PCDHA3: variants seen among roughly 807,000 people sequenced by gnomAD.
PCDHA3 encodes the protein protocadherin alpha 3, also known as protocadherin alpha-3.
In PCDHA3, 41 loss-of-function variants were observed where a neutral mutation model predicts 62.2. The ratio of observed to expected loss-of-function variants is 0.66; its 90% CI spans 0.51 to 0.86. PCDHA3 has a LOEUF of 0.86. Among genes scored for constraint, PCDHA3 ranks in the 40% least tolerant of loss-of-function variants. The pLI is 0.00. For synonymous variants in PCDHA3, 640 were observed against 555.4 expected, an observed-to-expected ratio of 1.15 and a Z score of -2.14; for missense variants, 1,304 against 1,241.2, an observed-to-expected ratio of 1.05 and a Z score of -0.76.
At chr5:140,986,081 A>AT (rs2097186605) in intron 3 of PCDHA3, among the ~76,000 whole-genome samples, 1 of 152,010 alleles carries the variant, frequency 6.6e-6, no homozygotes, top group South Asian at 2.1e-4. Context: ...CTGTTCATTT[A>AT]TTTTCACAGT....
rs2150150437 is a variant in PCDHA3, at chr5:140,828,053, G to A, written c.2394+24462G>A. ...ACATACAGTATTTTATCTTTATGCG[G>A]AAGATCTTCTAATGGAAATAAAACC... On this transcript the variant is annotated intron_variant, in intron 1 of 3. Transcript: ENST00000522353. 4,837 of 1,547,680 alleles carry A rather than the reference G, an allele frequency of 3.1e-3. 12 individuals are homozygous for A. The highest frequency in any genetic ancestry group is 4.7e-3 in the Admixed American group (229 of 48,892).
At chr5:140,997,670 G>A (rs1587757819) in intron 3 of PCDHA3, among the ~76,000 whole-genome samples, 1 of 79,680 alleles carries the variant, frequency 1.3e-5, no homozygotes, top group Non-Finnish European at 2.9e-5. Flanking sequence ...TATACAGCTT[G>A]TGTGTGTGTG....
Position 140,852,810 on chromosome 5 carries a change from C to T in PCDHA3, c.2394+49219C>T, listed in dbSNP as rs2150522687. On this transcript the variant is annotated intron_variant, in intron 1 of 3. Transcript: ENST00000522353. The stretch of plus-strand genomic sequence containing the variant: ...GATGCTACAGATGTCATTTGTCTCC[C>T]GCCCTAAGTCCTCCAGTCTCCTTAG... 3.4e-5 allele frequency: 33 copies of T among 973,688 alleles called. 1 individual carries two copies. The highest frequency in any genetic ancestry group is 1.4e-4 in the South Asian group (3 of 20,896). The allele number at this position is 973,688 out of a possible 1,614,324, so 60.3% of individuals were successfully genotyped here. A position where few individuals can be genotyped will look rare whatever the true frequency, so the allele number is the denominator to read the frequency against.
In PCDHA3 at chr5:140,801,986, C is replaced by T. The variant is rs1026023655; in HGVS notation, c.789C>T (p.Thr263=). The T allele has an allele frequency of 6.2e-7, 1 of 1,614,004 alleles. No homozygotes were observed. Among genetic ancestry groups the T allele is most frequent in the African/African-American group, 1.3e-5 (1 of 74,906 alleles). The change falls in exon 1 of 4, where the codon ACC becomes ACT. Residue 263 remains threonine (T), a synonymous_variant. Coordinates refer to ENST00000522353, the MANE Select transcript of PCDHA3 (RefSeq NM_018906.3). ...ENAPNGTLVV[T]VNATDLDEGV... Reference sequence around the variant, plus strand: ...CACCAAATGGTACCCTAGTGGTGACCGTTAACGCCACCGATTTGGATGAAG... The same window carrying T: ...CACCAAATGGTACCCTAGTGGTGACTGTTAACGCCACCGATTTGGATGAAG...
chr5:140,814,885 G>A (rs1765613574), intron 1 of PCDHA3: 1 of 152,188 alleles, frequency 6.6e-6, no homozygotes. Context: ...GGGTGCATAT[G>A]TATTTATAAT....
rs2150440099 is a variant in PCDHA3 at position 140,849,547 on chromosome 5, C to T, written c.2394+45956C>T. The T allele has an allele frequency of 7.5e-5, 120 of 1,598,270 alleles. 12 individuals are homozygous for T. Among genetic ancestry groups the T allele is most frequent in the Non-Finnish European group, 6.2e-5 (72 of 1,167,888 alleles). ...GTAAATGACAATGCTCCACAGTTGA[C>T]TATCAAAACGCTCTCGGTTCCTGTA... On this transcript the variant is annotated intron_variant, in intron 1 of 3. Coordinates refer to ENST00000522353, the MANE Select transcript of PCDHA3 (RefSeq NM_018906.3).
intron 1 of PCDHA3, chr5:140,928,283 T>C (rs782493603): frequency 4.3e-6 from 7 of 1,614,178 alleles, no homozygotes; most frequent in Non-Finnish European, 5.1e-6. Flanking sequence ...GGGGCCTCTC[T>C]AGGCCGAGTG....
chr5:140,836,466 G>A (rs1554135989), intron 1 of PCDHA3: 1 of 1,613,862 alleles, frequency 6.2e-7, no homozygotes, highest in Non-Finnish European at 8.5e-7. Flanking sequence ...CGAGCTGGTG[G>A]ATGTCAACGT....
chr5:140,863,274 G>A, intron 1 of PCDHA3: 1 of 1,461,698 alleles, frequency 6.8e-7, no homozygotes. Flanking sequence ...CAGCGCTGGT[G>A]GATGTCAACG....
intron 3 of PCDHA3, among the ~76,000 whole-genome samples, chr5:141,007,858 G>A (rs376865557): frequency 6.6e-6 from 1 of 152,116 alleles, no homozygotes; most frequent in African/African-American, 2.4e-5. Context: ...GTCCTTAAAG[G>A]TCTTTTCCTT....
intron 1 of PCDHA3, chr5:140,870,941 C>T: frequency 6.2e-7 from 1 of 1,613,712 alleles, no homozygotes; most frequent in Non-Finnish European, 8.5e-7. Context: ...TTGCAGCCGG[C>T]GGCGGGCGGC....
At position 140,805,335 on chromosome 5, in the gene PCDHA3, GA is replaced by G. The variant is rs1157581850; in HGVS notation, c.2394+1745del. 6.5e-6 allele frequency: 8 copies of G among 1,231,042 alleles called. No homozygotes were observed. In the African/African-American group the frequency reaches 1.1e-4, roughly 17 times the overall value. 76.3% of individuals were successfully genotyped at this position (1,231,042 alleles called of 1,614,324 possible). Reference sequence around the variant, plus strand: ...TTTTTCCAATGTGCTTGATGTCAATGATCATTTTGTAAAAATATAGTTTGGG... The same window carrying G: ...TTTTTCCAATGTGCTTGATGTCAATGTCATTTTGTAAAAATATAGTTTGGG... On this transcript the variant is annotated intron_variant, in intron 1 of 3. Coordinates refer to ENST00000522353, the MANE Select transcript of PCDHA3 (RefSeq NM_018906.3).
chr5:140,884,491 C>G, intron 1 of PCDHA3: 1 of 1,614,052 alleles, frequency 6.2e-7, no homozygotes, highest in East Asian at 2.2e-5. Flanking sequence ...CTCTAGTGTG[C>G]TCCAGCGCGG....
chr5:140,923,641 T>C (rs2081461052), intron 1 of PCDHA3, among the ~76,000 whole-genome samples: 1 of 152,230 alleles, frequency 6.6e-6, no homozygotes. Context: ...CAAAAATCTT[T>C]AGCCTCCCTT....
chr5:140,863,445 C>A, intron 1 of PCDHA3: 1 of 582,886 alleles, frequency 1.7e-6, no homozygotes, highest in South Asian at 1.4e-5. Flanking sequence ...GTCTTACTCG[C>A]AGCAAAGGAG....
chr5:140,958,242 T>A (rs1375619471), intron 1 of PCDHA3, among the ~76,000 whole-genome samples: 1 of 152,120 alleles, frequency 6.6e-6, no homozygotes, highest in Non-Finnish European at 1.5e-5. Context: ...TTTTTAACAA[T>A]TCTGAACAAA....
chr5:140,860,143 G>A (rs1226085674), intron 1 of PCDHA3: 2 of 148,758 alleles, frequency 1.3e-5, no homozygotes, highest in Non-Finnish European at 3.0e-5. Context: ...GTATATATAT[G>A]TATATATGTG....
intron 1 of PCDHA3, chr5:140,843,208 C>A: frequency 6.3e-7 from 1 of 1,596,004 alleles, no homozygotes; most frequent in South Asian, 1.1e-5. Context: ...TGTACACGGG[C>A]GAGATCAGCA....
At chr5:140,814,873 T>C (rs1206145263) in intron 1 of PCDHA3, 1 of 152,240 alleles carries the variant, frequency 6.6e-6, no homozygotes, top group African/African-American at 2.4e-5. Context: ...TGTTTTAATG[T>C]TGGGTGCATA....
Sources: allele counts gnomAD v4.1 joint callset (sites outside exome capture counted in the v4.1 genomes callset), GRCh38; gene constraint gnomAD v4.1.1; transcripts MANE v1.5; gene names NCBI Gene and HGNC (gene_info 2026-07-23, HGNC 2026-07-21).